Variants in SNTG1 observed in about 807,000 individuals in gnomAD.
The protein encoded by SNTG1 is syntrophin gamma 1.
Under a neutral mutation model 74.7 loss-of-function variants are expected in SNTG1, and 39 were observed. The ratio of observed to expected loss-of-function variants is 0.52; its 90% CI spans 0.40 to 0.68. SNTG1 has a LOEUF of 0.68. Ranked by LOEUF, SNTG1 falls within the 30% of genes least tolerant of loss-of-function variation. The pLI is 0.00. For synonymous variants in SNTG1, 254 were observed against 217.1 expected (o/e 1.17, Z -1.49); for missense variants, 685 against 609.5 (o/e 1.12, Z -1.30).
chr8:50,429,602 G>T (rs992504289), intron 4 of SNTG1, among the ~76,000 whole-genome samples: 1 of 152,088 alleles, frequency 6.6e-6, no homozygotes, highest in Non-Finnish European at 1.5e-5. Context: ...CCATCAAGGT[G>T]CAAATTACAC....
chr8:50,638,205 A>T (rs1319229018), intron 13 of SNTG1, among the ~76,000 whole-genome samples: 1 of 152,092 alleles, frequency 6.6e-6, no homozygotes, highest in Non-Finnish European at 1.5e-5. Flanking sequence ...GAGCTTCTTG[A>T]ATGGAATGAA....
At chr8:50,200,998 C>A (rs1359877565) in intron 2 of SNTG1, among the ~76,000 whole-genome samples, 7 of 152,062 alleles carry the variant, frequency 4.6e-5, no homozygotes, top group Non-Finnish European at 8.8e-5. Context: ...AGGAGGGGCT[C>A]ATTCATTGTC....
chr8:50,782,341 CCAGT>C (rs2095662072), intron 18 of SNTG1, among the ~76,000 whole-genome samples: 1 of 152,188 alleles, frequency 6.6e-6, no homozygotes, highest in Non-Finnish European at 1.5e-5. Context: ...TTCAGGTACA[CCAGT>C]CAGACATAGA....
At chr8:50,045,803 G>T (rs1443861570) in intron 1 of SNTG1, among the ~76,000 whole-genome samples, 6 of 152,172 alleles carry the variant, frequency 3.9e-5, no homozygotes, top group Admixed American at 3.3e-4. Context: ...GAGACACAAA[G>T]ATGTAGTGTA....
chr8:50,106,078 G>A lies in SNTG1; in HGVS notation c.-102-66483G>A, dbSNP rs542209665. Among the ~76,000 whole-genome samples, 98 of 152,036 alleles carry A rather than the reference G, an allele frequency of 6.4e-4. 1 individual carries two copies. The highest frequency in any genetic ancestry group is 3.4e-3 in the Middle Eastern group (1 of 294). On this transcript the variant is annotated intron_variant, in intron 1 of 18. Coordinates refer to ENST00000642720, the MANE Select transcript of SNTG1 (RefSeq NM_018967.5). The stretch of plus-strand genomic sequence containing the variant: ...ACTTCCAGTATGTATTAGTCTATTC[G>A]TACACTGCTATAAATAACTACCTGG...
intron 1 of SNTG1, among the ~76,000 whole-genome samples, chr8:50,088,283 C>T (rs1345018417): frequency 6.7e-6 from 1 of 148,786 alleles, no homozygotes; most frequent in Admixed American, 6.8e-5. Flanking sequence ...CTATGACAAA[C>T]CCACAGCCAA....
chr8:49,934,824 T>C (rs1807911402), intron 1 of SNTG1, among the ~76,000 whole-genome samples: 1 of 152,040 alleles, frequency 6.6e-6, no homozygotes, highest in Non-Finnish European at 1.5e-5. Context: ...GGTTTCTTCA[T>C]GAAACTTCCA....
At chr8:50,509,701 G>T (rs185594484) in intron 9 of SNTG1, among the ~76,000 whole-genome samples, 309 of 152,196 alleles carry the variant, frequency 2.0e-3, no homozygotes, top group Non-Finnish European at 3.6e-3. Context: ...GTTCACTTAT[G>T]ATTTGGCTCT....
intron 18 of SNTG1, among the ~76,000 whole-genome samples, chr8:50,754,209 A>C (rs1307960442): frequency 6.6e-6 from 1 of 151,990 alleles, no homozygotes; most frequent in African/African-American, 2.4e-5. Flanking sequence ...AATGCCTAGA[A>C]GTGCAAATTG....
At chr8:49,956,520 G>T (rs905638069) in intron 1 of SNTG1, among the ~76,000 whole-genome samples, 1 of 152,178 alleles carries the variant, frequency 6.6e-6, no homozygotes, top group Non-Finnish European at 1.5e-5. Flanking sequence ...ATAGCGTAGG[G>T]TAGCTCTGAC....
chr8:50,767,627 A>T lies in SNTG1; in HGVS notation c.1395+15516A>T, dbSNP rs561455491. ...TATAGTTTTTTTTGACAAGTTACAA[A>T]AGCTTATTTTATTGCCACTGATAAC... On this transcript the variant is annotated intron_variant, in intron 18 of 18. Coordinates refer to ENST00000642720, the MANE Select transcript of SNTG1 (RefSeq NM_018967.5). Among the ~76,000 whole-genome samples the T allele has an allele frequency of 4.6e-5, 7 of 151,956 alleles. No individual in the cohort carries two copies. The South Asian group carries it at 1.5e-3, about 32-fold the overall frequency.
chr8:50,066,518 T>C (rs1563544179), intron 1 of SNTG1, among the ~76,000 whole-genome samples: 1 of 152,162 alleles, frequency 6.6e-6, no homozygotes, highest in Non-Finnish European at 1.5e-5. Context: ...AGTTTAAAAA[T>C]AATTAATTAA....
At chr8:50,270,420 C>T (rs978807374) in intron 2 of SNTG1, among the ~76,000 whole-genome samples, 2 of 152,092 alleles carry the variant, frequency 1.3e-5, no homozygotes, top group Non-Finnish European at 2.9e-5. Context: ...AAAATTTAAC[C>T]AATAACTCTC....
chr8:50,031,045 T>C (rs1054966622), intron 1 of SNTG1, among the ~76,000 whole-genome samples: 6 of 151,960 alleles, frequency 3.9e-5, no homozygotes, highest in African/African-American at 7.2e-5. Flanking sequence ...GAAACTCTTA[T>C]AGAATTTTAT....
chr8:50,477,980 A>G (rs1417069466), intron 8 of SNTG1, among the ~76,000 whole-genome samples: 4 of 152,198 alleles, frequency 2.6e-5, no homozygotes, highest in African/African-American at 9.6e-5. Context: ...CAATACATAT[A>G]TGGGTACAAT....
At chr8:50,334,271 A>T (rs1307809484) in intron 2 of SNTG1, among the ~76,000 whole-genome samples, 2 of 152,174 alleles carry the variant, frequency 1.3e-5, no homozygotes, top group Non-Finnish European at 2.9e-5. Flanking sequence ...GCCTCTTGCC[A>T]TGAGCCAAGA....
chr8:50,695,550 T>C (rs1212456913), intron 15 of SNTG1, among the ~76,000 whole-genome samples: 1 of 151,724 alleles, frequency 6.6e-6, no homozygotes, highest in Non-Finnish European at 1.5e-5. Flanking sequence ...GCATATATTG[T>C]GTAGTGGTGA....
At chr8:49,979,129 T>C (rs1397382960) in intron 1 of SNTG1, among the ~76,000 whole-genome samples, 1 of 152,168 alleles carries the variant, frequency 6.6e-6, no homozygotes, top group East Asian at 1.9e-4. Context: ...TTTGGTAGTG[T>C]AACTAGCAGG....
At chr8:50,226,878 G>A (rs953020599) in intron 2 of SNTG1, among the ~76,000 whole-genome samples, 3 of 152,084 alleles carry the variant, frequency 2.0e-5, no homozygotes, top group African/African-American at 7.2e-5. Context: ...ATATTTTACA[G>A]AGTTTGACTC....
Sources: gnomAD v4.1 joint callset for allele counts (sites outside exome capture counted in the v4.1 genomes callset) on GRCh38, gnomAD v4.1.1 for gene constraint, MANE v1.5 for transcripts, NCBI Gene and HGNC (gene_info 2026-07-23, HGNC 2026-07-21) for gene names.